SGMS2: variants seen among roughly 807,000 people sequenced by gnomAD.
The protein encoded by SGMS2 is phosphatidylcholine:ceramide cholinephosphotransferase 2.
Under a neutral mutation model 43.8 loss-of-function variants are expected in SGMS2, and 21 were observed. The observed-to-expected ratio is 0.48, with a 90% CI of 0.34 to 0.69. The LOEUF (loss-of-function observed/expected upper bound fraction) is 0.69, where lower values mean the gene tolerates loss of function less well. Ranked by LOEUF, SGMS2 falls within the 30% of genes least tolerant of loss-of-function variation. SGMS2 has a pLI of 0.01. For synonymous variants in SGMS2, 167 were observed against 160.6 expected (o/e 1.04, Z -0.30); for missense variants, 384 against 443.2 (o/e 0.87, Z 1.20).
At chr4:107,832,207 A>G (rs1429292616) in intron 1 of SGMS2, among the ~76,000 whole-genome samples, 1 of 152,216 alleles carries the variant, frequency 6.6e-6, no homozygotes, top group Admixed American at 6.5e-5. Context: ...TTAGTGTAAT[A>G]TACCAGTTCT....
intron 1 of SGMS2, among the ~76,000 whole-genome samples, chr4:107,830,360 T>TGGTAGAATG (rs1560625921): frequency 6.6e-6 from 1 of 152,174 alleles, no homozygotes; most frequent in Admixed American, 6.5e-5. Context: ...TGTATCTTTA[T>TGGTAGAATG]GGTAGAATGA....
chr4:107,841,522 T>C (rs1023536109), intron 1 of SGMS2, among the ~76,000 whole-genome samples: 2 of 152,148 alleles, frequency 1.3e-5, no homozygotes, highest in African/African-American at 4.8e-5. Flanking sequence ...TCAGAAATTG[T>C]CCTTGGATCT....
chr4:107,903,667 C>T (rs1036057269), intron 5 of SGMS2, among the ~76,000 whole-genome samples: 1 of 152,158 alleles, frequency 6.6e-6, no homozygotes, highest in Non-Finnish European at 1.5e-5. Flanking sequence ...AAACATCTCC[C>T]TTCTTGGTTA....
chr4:107,878,392 T>C (rs377078618), intron 2 of SGMS2, among the ~76,000 whole-genome samples: 1 of 152,188 alleles, frequency 6.6e-6, no homozygotes, highest in African/African-American at 2.4e-5. Flanking sequence ...ATGCATGATA[T>C]GCTCCCCACT....
In SGMS2 at chr4:107,895,708, G is replaced by A. The variant is rs1357999564; in HGVS notation, c.155G>A (p.Gly52Asp). 1 of 1,613,826 alleles carries A rather than the reference G, an allele frequency of 6.2e-7. No homozygotes were observed. The highest frequency in any genetic ancestry group is 1.7e-5 in the Admixed American group (1 of 59,942). The change falls in exon 3 of 7, where the codon GGC (glycine) becomes GAC (aspartate). Residue 52 changes from glycine (G) to aspartate (D), a missense_variant. Gly to Asp is a moderately conservative substitution (Grantham distance 94). Transcript: ENST00000690982. Reference sequence around the variant, plus strand: ...AGCTTATCCAGTGGGCTGCGAAAAGGCACCAAAAAGTACCCGGACTATATC... The same window carrying A: ...AGCTTATCCAGTGGGCTGCGAAAAGACACCAAAAAGTACCCGGACTATATC... ...PKSLSSGLRK[G>D]TKKYPDYIQI...
intron 2 of SGMS2, among the ~76,000 whole-genome samples, chr4:107,862,869 G>A (rs1335813446): frequency 6.6e-6 from 1 of 152,196 alleles, no homozygotes; most frequent in Non-Finnish European, 1.5e-5. Flanking sequence ...CTCACTGAAT[G>A]AAATGTCTAA....
intron 1 of SGMS2, among the ~76,000 whole-genome samples, chr4:107,840,218 A>C (rs913204809): frequency 6.6e-6 from 1 of 152,210 alleles, no homozygotes; most frequent in Non-Finnish European, 1.5e-5. Flanking sequence ...ATATATTGTT[A>C]CTGTTGTAAG....
chr4:107,832,483 G>A (rs868071), intron 1 of SGMS2, among the ~76,000 whole-genome samples: 4,083 of 152,246 alleles, frequency 0.027, 303 homozygotes, highest in East Asian at 0.26. Context: ...GTTAAGTCAC[G>A]TACTTAAGGC....
intron 2 of SGMS2, among the ~76,000 whole-genome samples, chr4:107,868,354 G>T (rs1474020125): frequency 6.6e-6 from 1 of 152,198 alleles, no homozygotes; most frequent in Non-Finnish European, 1.5e-5. Context: ...CCTCTGCAAA[G>T]AAAGTGTGTA....
chr4:107,862,052 C>T (rs1727764026), intron 2 of SGMS2, among the ~76,000 whole-genome samples: 1 of 152,178 alleles, frequency 6.6e-6, no homozygotes, highest in Admixed American at 6.5e-5. Context: ...ACGAAAGAAA[C>T]AACAACAGAA....
At position 107,903,380 on chromosome 4, in the gene SGMS2, A is replaced by G. The variant is rs979816587; in HGVS notation, c.721A>G (p.Lys241Glu). ...GCTGACACTGACTTATTTGTTCATC[A>G]AAGAATGTAAGTAATAGCCCATTCC... The part of the protein sequence containing the change: ...VTLTLTYLFI[K>E]EYSPRHFWWY... Residue 241 changes from lysine to glutamate, a missense_variant, in exon 5 of 7, where the codon AAA (lysine) becomes GAA (glutamate). By Grantham distance (56) the Lys-to-Glu change is moderately conservative. Transcript: ENST00000690982. 10 of 1,613,704 alleles carry G rather than the reference A, an allele frequency of 6.2e-6. No homozygotes were observed. The highest frequency in any genetic ancestry group is 8.5e-6 in the Non-Finnish European group (10 of 1,179,858).
At chr4:107,852,142 C>A (rs1727185267) in intron 1 of SGMS2, among the ~76,000 whole-genome samples, 1 of 151,394 alleles carries the variant, frequency 6.6e-6, no homozygotes, top group African/African-American at 2.4e-5. Flanking sequence ...GATCTCGGCT[C>A]GCTGCAAGGT....
chr4:107,905,587 T>A (rs1731489799), intron 5 of SGMS2, among the ~76,000 whole-genome samples: 1 of 152,208 alleles, frequency 6.6e-6, no homozygotes, highest in African/African-American at 2.4e-5. Context: ...ATGAGTAAAC[T>A]TAAGCTTAGA....
chr4:107,901,800 A>C (rs1477244545), intron 4 of SGMS2, among the ~76,000 whole-genome samples: 1 of 152,220 alleles, frequency 6.6e-6, no homozygotes, highest in Non-Finnish European at 1.5e-5. Flanking sequence ...TTCCACATAC[A>C]AGAATGTTTG....
chr4:107,860,076 C>G (rs1727640171), intron 2 of SGMS2, among the ~76,000 whole-genome samples: 1 of 152,054 alleles, frequency 6.6e-6, no homozygotes, highest in Non-Finnish European at 1.5e-5. Flanking sequence ...CCACCATCCT[C>G]TCAGCCTCTG....
intron 2 of SGMS2, among the ~76,000 whole-genome samples, chr4:107,860,544 C>T (rs1438797669): frequency 4.8e-5 from 7 of 145,300 alleles, no homozygotes; most frequent in Non-Finnish European, 7.5e-5. Context: ...TTTTTTGAGA[C>T]GGAGCCTCTC....
At chr4:107,877,008 T>A (rs924167786) in intron 2 of SGMS2, among the ~76,000 whole-genome samples, 1 of 152,148 alleles carries the variant, frequency 6.6e-6, no homozygotes, top group Non-Finnish European at 1.5e-5. Context: ...ATTTTAAAAC[T>A]ATTAAATGGG....
At chr4:107,870,161 A>G (rs932924594) in intron 2 of SGMS2, among the ~76,000 whole-genome samples, 1 of 152,204 alleles carries the variant, frequency 6.6e-6, no homozygotes, top group Non-Finnish European at 1.5e-5. Flanking sequence ...TTACAAAATA[A>G]TCTTGTATGT....
rs1406420448 is a variant in SGMS2, at chr4:107,899,518, T to C, written c.456-57T>C. 35 of 1,165,790 alleles carry C rather than the reference T, an allele frequency of 3.0e-5. No homozygotes were observed. In the Admixed American group the frequency reaches 6.5e-4, roughly 22 times the overall value. The allele number at this position is 1,165,790 out of a possible 1,614,324, so 72.2% of individuals were successfully genotyped here. A position where few individuals can be genotyped will look rare whatever the true frequency, so the allele number is the denominator to read the frequency against. ...CTGTTAAACATTGTTTTATTTTTCA[T>C]TAGGAGTAAAACCAACCAGTAAACT... On this transcript the variant is annotated intron_variant, in intron 3 of 6. Transcript: ENST00000690982.
Sources: allele counts gnomAD v4.1 joint callset (sites outside exome capture counted in the v4.1 genomes callset), GRCh38; gene constraint gnomAD v4.1.1; transcripts MANE v1.5; gene names NCBI Gene and HGNC (gene_info 2026-07-23, HGNC 2026-07-21).